Variants in CCSER1 observed in about 807,000 individuals in gnomAD.
The protein encoded by CCSER1 is serine-rich coiled-coil domain-containing protein 1.
Under a neutral mutation model 82.0 loss-of-function variants are expected in CCSER1, and 41 were observed. That is an observed-to-expected ratio of 0.50 (90% CI 0.39 to 0.65). CCSER1 has a LOEUF of 0.65. CCSER1 is among the 30% of genes least tolerant of loss of function. The probability of loss-of-function intolerance (pLI) is 0.00; values close to 1 mark genes in which losing one functional copy is unlikely to be tolerated. For synonymous variants in CCSER1, 414 were observed against 383.9 expected (o/e 1.08, Z -0.92); for missense variants, 1,119 against 1,064.2 (o/e 1.05, Z -0.72).
chr4:90,547,066 C>T (rs1776848221), intron 5 of CCSER1, among the ~76,000 whole-genome samples: 1 of 151,966 alleles, frequency 6.6e-6, no homozygotes, highest in African/African-American at 2.4e-5. Context: ...TGAAGACCTA[C>T]ATTTCATACT....
chr4:90,617,753 C>T (rs1008255483), intron 5 of CCSER1, among the ~76,000 whole-genome samples: 5 of 152,180 alleles, frequency 3.3e-5, no homozygotes, highest in Admixed American at 6.5e-5. Context: ...TAAACTGAAT[C>T]GTTTAAATTA....
At chr4:90,912,502 A>G (rs1190975741) in intron 8 of CCSER1, among the ~76,000 whole-genome samples, 1 of 152,160 alleles carries the variant, frequency 6.6e-6, no homozygotes, top group Non-Finnish European at 1.5e-5. Flanking sequence ...CACCATCATC[A>G]AAGACAAAAG....
chr4:91,039,905 T>G (rs1375928015), intron 9 of CCSER1, among the ~76,000 whole-genome samples: 6 of 152,134 alleles, frequency 3.9e-5, no homozygotes, highest in African/African-American at 1.4e-4. Context: ...TATTTACATA[T>G]TCAATTTAGT....
intron 9 of CCSER1, among the ~76,000 whole-genome samples, chr4:91,058,968 C>T (rs1312598603): frequency 1.3e-5 from 2 of 151,910 alleles, no homozygotes; most frequent in Admixed American, 1.3e-4. Context: ...CTCTATAATT[C>T]TTACAGTCTT....
chr4:91,124,656 C>T (rs545646471), intron 10 of CCSER1, among the ~76,000 whole-genome samples: 6 of 151,830 alleles, frequency 4.0e-5, no homozygotes, highest in African/African-American at 1.4e-4. Flanking sequence ...TTGATAAACT[C>T]TTTGAATATG....
intron 10 of CCSER1, among the ~76,000 whole-genome samples, chr4:91,107,006 G>A (rs1397892388): frequency 1.3e-5 from 2 of 151,824 alleles, no homozygotes; most frequent in African/African-American, 4.9e-5. Flanking sequence ...CTATACTGGT[G>A]TATTTTTTTT....
At chr4:91,156,203 T>A (rs1730805350) in intron 10 of CCSER1, among the ~76,000 whole-genome samples, 1 of 151,784 alleles carries the variant, frequency 6.6e-6, no homozygotes, top group African/African-American at 2.4e-5. Context: ...TTGTATGTAC[T>A]TGAAGTATCC....
chr4:90,309,450 A>T lies in CCSER1; in HGVS notation c.1166A>T (p.Asn389Ile). The T allele has an allele frequency of 6.2e-7, 1 of 1,613,774 alleles. No homozygotes were observed. The highest frequency in any genetic ancestry group is 8.5e-7 in the Non-Finnish European group (1 of 1,179,740). Residue 389 changes from asparagine (N) to isoleucine (I), a missense_variant, in exon 2 of 11, where the codon AAC becomes ATC. Physicochemically the swap from Asn to Ile is moderately radical, Grantham distance 149 (BLOSUM62 -3). Transcript: ENST00000509176. ...LQNGETMLGTNSPRKLGFYEQ... is the reference protein window; with the variant it reads ...LQNGETMLGTISPRKLGFYEQ... The stretch of plus-strand genomic sequence containing the variant: ...AATGGTGAAACAATGCTGGGGACAA[A>T]CTCCCCAAGGAAACTTGGATTTTAT...
chr4:90,554,432 A>G (rs1391809517), intron 5 of CCSER1, among the ~76,000 whole-genome samples: 2 of 152,226 alleles, frequency 1.3e-5, no homozygotes, highest in Admixed American at 6.5e-5. Flanking sequence ...ATATGTGATA[A>G]TATGTGATTC....
At chr4:91,234,392 A>G (rs910292451) in intron 10 of CCSER1, among the ~76,000 whole-genome samples, 3 of 152,078 alleles carry the variant, frequency 2.0e-5, no homozygotes, top group African/African-American at 7.2e-5. Flanking sequence ...GTTTCAATTA[A>G]AATAAATCCT....
chr4:90,801,802 A>C (rs1328500328), intron 7 of CCSER1, among the ~76,000 whole-genome samples: 1 of 152,234 alleles, frequency 6.6e-6, no homozygotes, highest in Non-Finnish European at 1.5e-5. Context: ...TACCAGAGAA[A>C]ATCAGAGTAA....
rs1022266092 is a variant in CCSER1 at position 90,442,066 on chromosome 4, A to G, written c.1604-26168A>G. On this transcript the variant is annotated intron_variant, in intron 4 of 10. Coordinates refer to ENST00000509176, the MANE Select transcript of CCSER1 (RefSeq NM_001145065.2). ...TTACTCACAAAAGAAAAAGATGAAC[A>G]CAATCAAGAAGAACAGCAGTTTTTT... Among the ~76,000 whole-genome samples the G allele has an allele frequency of 7.9e-5, 12 of 152,310 alleles. No homozygotes were observed. The East Asian group carries it at 2.1e-3, about 27-fold the overall frequency.
At chr4:90,501,989 A>G (rs563427878) in intron 5 of CCSER1, among the ~76,000 whole-genome samples, 74 of 152,326 alleles carry the variant, frequency 4.9e-4, no homozygotes, top group African/African-American at 1.6e-3. Context: ...GTTTGTTTGA[A>G]CAATCCAGAC....
At chr4:90,341,280 C>A (rs1389910969) in intron 3 of CCSER1, among the ~76,000 whole-genome samples, 1 of 152,002 alleles carries the variant, frequency 6.6e-6, no homozygotes, top group African/African-American at 2.4e-5. Flanking sequence ...GCTCTGTGAT[C>A]TTATGAGAGT....
chr4:90,451,006 A>G (rs990056425), intron 4 of CCSER1, among the ~76,000 whole-genome samples: 1 of 152,152 alleles, frequency 6.6e-6, no homozygotes, highest in African/African-American at 2.4e-5. Flanking sequence ...GAGAAGAGTA[A>G]TCCATGGAAT....
At chr4:90,133,938 T>C (rs925772440) in intron 1 of CCSER1, among the ~76,000 whole-genome samples, 10 of 152,298 alleles carry the variant, frequency 6.6e-5, no homozygotes, top group Admixed American at 6.5e-4. Context: ...TTTTATTTTT[T>C]CCAAAGAAAG....
chr4:91,462,589 C>T (rs1207764986), intron 10 of CCSER1, among the ~76,000 whole-genome samples: 1 of 152,064 alleles, frequency 6.6e-6, no homozygotes, highest in Non-Finnish European at 1.5e-5. Context: ...TGCAAGGGGT[C>T]AAGGAATTCC....
chr4:91,114,466 A>G (rs1438189467), intron 10 of CCSER1, among the ~76,000 whole-genome samples: 1 of 152,112 alleles, frequency 6.6e-6, no homozygotes, highest in African/African-American at 2.4e-5. Context: ...GTATTTTTAG[A>G]CCTAACTCTG....
At chr4:90,360,074 C>G (rs987571003) in intron 3 of CCSER1, among the ~76,000 whole-genome samples, 3 of 148,928 alleles carry the variant, frequency 2.0e-5, no homozygotes, top group Non-Finnish European at 4.5e-5. Context: ...CCCGCCATCA[C>G]GCCTGGCTAA....
Sources: gnomAD v4.1 joint callset for allele counts (sites outside exome capture counted in the v4.1 genomes callset) on GRCh38, gnomAD v4.1.1 for gene constraint, MANE v1.5 for transcripts, NCBI Gene and HGNC (gene_info 2026-07-23, HGNC 2026-07-21) for gene names.